Variants in TMTC1 observed in about 807,000 individuals in gnomAD.
The protein encoded by TMTC1 is protein O-mannosyl-transferase TMTC1.
A neutral mutation model predicts 104.8 loss-of-function variants in TMTC1; 73 were observed. That is an observed-to-expected ratio of 0.70 (90% CI 0.58 to 0.85). The LOEUF (loss-of-function observed/expected upper bound fraction) is 0.85, where lower values mean the gene tolerates loss of function less well. Among genes scored for constraint, TMTC1 ranks in the 40% least tolerant of loss-of-function variants. TMTC1 has a pLI of 0.00. For synonymous variants in TMTC1, 434 were observed against 428.7 expected (o/e 1.01, Z -0.15); for missense variants, 1,035 against 1,096.1 (o/e 0.94, Z 0.79).
At chr12:29,602,664 A>G (rs1946598877) in intron 7 of TMTC1, among the ~76,000 whole-genome samples, 1 of 152,208 alleles carries the variant, frequency 6.6e-6, no homozygotes, top group Non-Finnish European at 1.5e-5. Context: ...GAAATATAAT[A>G]AAAATGCAAT....
intron 4 of TMTC1, among the ~76,000 whole-genome samples, chr12:29,754,032 A>T (rs779451267): frequency 6.6e-6 from 1 of 151,964 alleles, no homozygotes; most frequent in Non-Finnish European, 1.5e-5. Context: ...ATGCCCAGCT[A>T]ATTTTTGTAT....
chr12:29,687,226 A>T (rs1415585189), intron 5 of TMTC1, among the ~76,000 whole-genome samples: 1 of 152,236 alleles, frequency 6.6e-6, no homozygotes, highest in African/African-American at 2.4e-5. Flanking sequence ...AAACTGATAC[A>T]CTTTAAGTGG....
At chr12:29,556,586 A>C (rs1368868051) in intron 10 of TMTC1, among the ~76,000 whole-genome samples, 1 of 152,228 alleles carries the variant, frequency 6.6e-6, no homozygotes, top group Non-Finnish European at 1.5e-5. Flanking sequence ...AATTTATCTG[A>C]CCATGTAACA....
rs560589136 is a variant in TMTC1, at chr12:29,638,877, T to C, written c.939-5541A>G. Among the ~76,000 whole-genome samples the C allele has an allele frequency of 7.2e-5, 11 of 152,286 alleles. 1 individual carries two copies. In the South Asian group the frequency reaches 2.3e-3, roughly 32 times the overall value. The stretch of plus-strand genomic sequence containing the variant: ...CCTCCCAGGCTGCTGCCTGTTTTCA[T>C]CCTCATAACTCCTGAATTACCATTG... On this transcript the variant is annotated intron_variant, in intron 5 of 17. Transcript: ENST00000539277.
intron 1 of TMTC1, among the ~76,000 whole-genome samples, chr12:29,781,018 T>C (rs1551930): frequency 0.4 from 60,153 of 152,064 alleles, 12,431 homozygotes; most frequent in Admixed American, 0.54. Flanking sequence ...GGCCAATGCT[T>C]GGTTCATAGC....
chr12:29,632,849 T>C (rs923853004), intron 6 of TMTC1, among the ~76,000 whole-genome samples: 2 of 152,206 alleles, frequency 1.3e-5, no homozygotes, highest in Admixed American at 6.5e-5. Context: ...AAATAGGTTA[T>C]TTACCACAAT....
chr12:29,659,883 G>A (rs540316230), intron 5 of TMTC1: 48 of 1,533,146 alleles, frequency 3.1e-5, no homozygotes, highest in South Asian at 6.0e-5. Context: ...TACTAACCTC[G>A]TAAGAATGTA....
rs192826562 is a variant in TMTC1, at chr12:29,661,371, C to T, written c.939-28035G>A. On this transcript the variant is annotated intron_variant, in intron 5 of 17. Coordinates refer to ENST00000539277, the MANE Select transcript of TMTC1 (RefSeq NM_001193451.2). ...TCCATCCACAAAATACCTCACAGAT[C>T]TCTTACCTCTAAAAATAGAAGATGC... 1.5e-4 allele frequency: 146 copies of T among 974,772 alleles called. No homozygotes were observed. The African/African-American group carries it at 2.4e-3, about 16-fold the overall frequency. The allele number at this position is 974,772 out of a possible 1,614,324, so 60.4% of individuals were successfully genotyped here. A position where few individuals can be genotyped will look rare whatever the true frequency, so the allele number is the denominator to read the frequency against.
At chr12:29,734,257 A>C (rs1942615849) in intron 5 of TMTC1, among the ~76,000 whole-genome samples, 1 of 152,162 alleles carries the variant, frequency 6.6e-6, no homozygotes, top group Non-Finnish European at 1.5e-5. Flanking sequence ...ATTCACAGGG[A>C]TAATTTATTT....
At chr12:29,685,720 A>C (rs1202765861) in intron 5 of TMTC1, among the ~76,000 whole-genome samples, 2 of 152,126 alleles carry the variant, frequency 1.3e-5, no homozygotes, top group Non-Finnish European at 2.9e-5. Context: ...CTTACTGAAA[A>C]TTGTTTTTAT....
rs551051236 is a variant in TMTC1, at chr12:29,501,632, T to C, written c.*5214A>G. On this transcript the variant is annotated 3_prime_UTR_variant, in exon 18 of 18. Transcript: ENST00000539277. Reference sequence around the variant, plus strand: ...ACCAAATTTGTTACATATATATATATACAACGTGTACTACTGAGAATGCAA... The same window carrying C: ...ACCAAATTTGTTACATATATATATACACAACGTGTACTACTGAGAATGCAA... The C allele has an allele frequency of 6.6e-5, 10 of 152,250 alleles. No individual in the cohort carries two copies. The East Asian group carries it at 1.7e-3, about 27-fold the overall frequency. The allele number at this position is 152,250 out of a possible 1,614,324, so 9.4% of individuals were successfully genotyped here. A position where few individuals can be genotyped will look rare whatever the true frequency, so the allele number is the denominator to read the frequency against.
intron 5 of TMTC1, among the ~76,000 whole-genome samples, chr12:29,732,027 C>T (rs1283053053): frequency 1.3e-5 from 2 of 152,018 alleles, no homozygotes; most frequent in Admixed American, 6.6e-5. Flanking sequence ...AATATTTATT[C>T]CATATAAATT....
chr12:29,782,155 C>A (rs978525423), intron 1 of TMTC1, among the ~76,000 whole-genome samples: 3 of 152,210 alleles, frequency 2.0e-5, no homozygotes, highest in Non-Finnish European at 4.4e-5. Context: ...AACTGAATAG[C>A]GAGGTTAGCC....
intron 6 of TMTC1, among the ~76,000 whole-genome samples, chr12:29,632,912 ACAGTAGTAACCTCTCATTT>A (rs1938368272): frequency 2.0e-5 from 3 of 152,002 alleles, no homozygotes; most frequent in South Asian, 4.1e-4. Flanking sequence ...TCAGCCAACC[ACAGTAGTAACCTCTCATTT>A]ACAAACATTA....
In TMTC1 at chr12:29,655,963, G is replaced by A. The variant is rs555668573; in HGVS notation, c.939-22627C>T. Among the ~76,000 whole-genome samples, 52 of 152,180 alleles carry A rather than the reference G, an allele frequency of 3.4e-4. No homozygotes were observed. In the East Asian group the frequency reaches 7.0e-3, roughly 20 times the overall value. On this transcript the variant is annotated intron_variant, in intron 5 of 17. Coordinates refer to ENST00000539277, the MANE Select transcript of TMTC1 (RefSeq NM_001193451.2). ...TAGCAAAAATGCAACTGAAAGATGCGCAAAGTTCCTAAATTCAGTAAAAGA... is the reference window on the plus strand; with the variant it reads ...TAGCAAAAATGCAACTGAAAGATGCACAAAGTTCCTAAATTCAGTAAAAGA...
At chr12:29,580,041 G>A (rs548570242) in intron 8 of TMTC1, among the ~76,000 whole-genome samples, 178 of 152,252 alleles carry the variant, frequency 1.2e-3, no homozygotes, top group African/African-American at 4.1e-3. Context: ...TAAGGTTCTT[G>A]CTGATAGAAA....
At chr12:29,523,582 C>G (rs1379384533) in intron 11 of TMTC1, among the ~76,000 whole-genome samples, 1 of 152,134 alleles carries the variant, frequency 6.6e-6, no homozygotes, top group Non-Finnish European at 1.5e-5. Flanking sequence ...ATGCTCCCCT[C>G]AAAATTGAGA....
rs1292313219 is a variant in TMTC1 at position 29,502,727 on chromosome 12, A to G, written c.*4119T>C. 6.6e-6 allele frequency: 1 copy of G among 152,218 alleles called. No individual in the cohort carries two copies. Among genetic ancestry groups the G allele is most frequent in the African/African-American group, 2.4e-5 (1 of 41,456 alleles). The allele number at this position is 152,218 out of a possible 1,614,324, so 9.4% of individuals were successfully genotyped here. On this transcript the variant is annotated 3_prime_UTR_variant, in exon 18 of 18. Transcript: ENST00000539277. ...GACTTAAAAGTAAAAATTGCAAAAGATGATAAACATCTATTATTTTGTAAA... is the reference window on the plus strand; with the variant it reads ...GACTTAAAAGTAAAAATTGCAAAAGGTGATAAACATCTATTATTTTGTAAA...
chr12:29,613,996 GA>G, intron 6 of TMTC1: 1 of 905,196 alleles, frequency 1.1e-6, no homozygotes, highest in Non-Finnish European at 1.3e-6. Context: ...TAAGGAGAAA[GA>G]ACCATAAAAA....
Sources: allele counts gnomAD v4.1 joint callset (sites outside exome capture counted in the v4.1 genomes callset), GRCh38; gene constraint gnomAD v4.1.1; transcripts MANE v1.5; gene names NCBI Gene and HGNC (gene_info 2026-07-23, HGNC 2026-07-21).